The following SS18 variants were observed in gnomAD, a reference collection of about 807,000 sequenced individuals.
SS18 encodes the protein protein SSXT.
SS18 carries 28 observed loss-of-function variants against 72.5 expected under a neutral mutation model. That is an observed-to-expected ratio of 0.39 (90% confidence interval 0.29 to 0.53). SS18 has a LOEUF of 0.53. SS18 is among the 20% of genes least tolerant of loss of function. SS18 has a pLI of 0.76. For synonymous variants in SS18, 172 were observed against 164.2 expected, an observed-to-expected ratio of 1.05 and a Z score of -0.37; for missense variants, 518 against 535.3, an observed-to-expected ratio of 0.97 and a Z score of 0.32.
intron 10 of SS18, among the ~76,000 whole-genome samples, chr18:26,022,888 C>T (rs1021879713): frequency 6.6e-6 from 1 of 152,156 alleles, no homozygotes; most frequent in African/African-American, 2.4e-5. Context: ...TTATTCCCAC[C>T]AGTCAGAGTA....
intron 9 of SS18, among the ~76,000 whole-genome samples, chr18:26,034,140 A>G (rs568209184): frequency 3.2e-4 from 49 of 152,330 alleles, no homozygotes; most frequent in African/African-American, 1.2e-3. Context: ...AGGGGGCAAG[A>G]GAATTTCAGT....
rs193119940 is a variant in SS18 at position 26,023,255 on chromosome 18, T to A, written c.1231-4875A>T. Among the ~76,000 whole-genome samples the A allele has an allele frequency of 9.2e-5, 14 of 152,322 alleles. No homozygotes were observed. In the East Asian group the frequency reaches 2.7e-3, roughly 29 times the overall value. ...AGAAGAGGATATTAAAAGAATTATATTTGTATTCCATATGTTCAAAACAAT... is the reference window on the plus strand; with the variant it reads ...AGAAGAGGATATTAAAAGAATTATAATTGTATTCCATATGTTCAAAACAAT... On this transcript the variant is annotated intron_variant, in intron 10 of 10. Coordinates refer to ENST00000415083, the MANE Select transcript of SS18 (RefSeq NM_001007559.3).
At chr18:26,020,470 C>G (rs1268381247) in intron 10 of SS18, among the ~76,000 whole-genome samples, 1 of 152,056 alleles carries the variant, frequency 6.6e-6, no homozygotes, top group African/African-American at 2.4e-5. Context: ...GATGTGAAAG[C>G]AGAAGAGAGG....
Position 26,018,295 on chromosome 18 carries a change from G to T in SS18, c.*59C>A. The T allele has an allele frequency of 2.1e-6, 3 of 1,456,140 alleles. No homozygotes were observed. Among genetic ancestry groups the T allele is most frequent in the Non-Finnish European group, 2.9e-6 (3 of 1,038,808 alleles). The allele number at this position is 1,456,140 out of a possible 1,614,324, so 90.2% of individuals were successfully genotyped here. ...ATCTCTTCACAGGGAGGTGTCCACA[G>T]TGCTGAGGTGACAATATGGCTGCTA... On this transcript the variant is annotated 3_prime_UTR_variant, in exon 11 of 11. Coordinates refer to ENST00000415083, the MANE Select transcript of SS18 (RefSeq NM_001007559.3).
At chr18:26,033,337 A>T (rs2053574957) in intron 9 of SS18, among the ~76,000 whole-genome samples, 1 of 152,152 alleles carries the variant, frequency 6.6e-6, no homozygotes, top group South Asian at 2.1e-4. Context: ...AATATGATGA[A>T]ACCCCATCTC....
intron 10 of SS18, among the ~76,000 whole-genome samples, chr18:26,030,586 C>T (rs1243147969): frequency 6.6e-6 from 1 of 152,092 alleles, no homozygotes; most frequent in Non-Finnish European, 1.5e-5. Context: ...TAAACATTTG[C>T]TTAATGAATG....
At chr18:26,060,771 CAAAAAAAA>C (rs60999827) in intron 3 of SS18, among the ~76,000 whole-genome samples, 24 of 39,606 alleles carry the variant, frequency 6.1e-4, no homozygotes, top group Admixed American at 1.3e-3. Context: ...CTAAAAATAC[CAAAAAAAA>C]AAAAAAAAAA....
intron 5 of SS18, among the ~76,000 whole-genome samples, chr18:26,049,416 C>A (rs1007949747): frequency 6.6e-6 from 1 of 152,210 alleles, no homozygotes; most frequent in Non-Finnish European, 1.5e-5. Flanking sequence ...GAACACACTT[C>A]CTGCTTTTAT....
chr18:26,021,413 G>A (rs919660682), intron 10 of SS18, among the ~76,000 whole-genome samples: 11 of 152,182 alleles, frequency 7.2e-5, no homozygotes, highest in African/African-American at 2.4e-4. Flanking sequence ...AGTGAACAGA[G>A]CATGGGCTTT....
At chr18:26,046,191 C>CAAAAA (rs760639087) in intron 5 of SS18, among the ~76,000 whole-genome samples, 3 of 45,046 alleles carry the variant, frequency 6.7e-5, no homozygotes, top group South Asian at 1.6e-3. Flanking sequence ...GACTCCGTCT[C>CAAAAA]AAAAAAAAAA....
chr18:26,059,834 A>C (rs1175487947), intron 3 of SS18, among the ~76,000 whole-genome samples: 2 of 152,264 alleles, frequency 1.3e-5, no homozygotes, highest in South Asian at 4.1e-4. Context: ...TCTAAAAAAC[A>C]AAAATAAATG....
intron 5 of SS18, among the ~76,000 whole-genome samples, chr18:26,048,434 C>T (rs1012860178): frequency 6.6e-6 from 1 of 152,020 alleles, no homozygotes; most frequent in African/African-American, 2.4e-5. Flanking sequence ...TCTATATATA[C>T]GAATAGCGGA....
At chr18:26,072,302 G>A (rs188703133) in intron 3 of SS18, among the ~76,000 whole-genome samples, 13 of 150,828 alleles carry the variant, frequency 8.6e-5, no homozygotes, top group South Asian at 2.1e-4. Flanking sequence ...ATTATTGGCC[G>A]GGCACAGTGG....
At chr18:26,069,231 A>T (rs2054271138) in intron 3 of SS18, among the ~76,000 whole-genome samples, 2 of 152,150 alleles carry the variant, frequency 1.3e-5, no homozygotes, top group Non-Finnish European at 2.9e-5. Context: ...CATGTTGGAC[A>T]CCATGAACTG....
Position 26,052,711 on chromosome 18 carries a change from G to C in SS18, c.520C>G (p.Pro174Ala), listed in dbSNP as rs368400158. 4.3e-6 allele frequency: 7 copies of C among 1,613,956 alleles called. No individual in the cohort carries two copies. Among genetic ancestry groups the C allele is most frequent in the Non-Finnish European group, 5.9e-6 (7 of 1,179,952 alleles). ...CTCATTGTCATCTGATTCTGTACTG[G>C]CATGCTCTGTGATGATGGCACAGAA... ...NHSVPSSQSM[P>A]VQNQMTMSQG... is the part of the protein sequence containing the mutation. The change falls in exon 5 of 11, where the codon CCA (proline) becomes GCA (alanine). Residue 174 changes from proline to alanine, a missense_variant. By Grantham distance (27) the Pro-to-Ala change is conservative (BLOSUM62 -1). Transcript: ENST00000415083.
intron 2 of SS18, 102 bp downstream of exon 2, chr18:26,087,399 T>G: frequency 1.4e-6 from 1 of 697,202 alleles, no homozygotes. Flanking sequence ...ATAGGTGAAT[T>G]GTATGGTATG....
chr18:26,057,010 AG>A (rs1568013041), intron 4 of SS18, among the ~76,000 whole-genome samples: 3 of 152,236 alleles, frequency 2.0e-5, no homozygotes, highest in Admixed American at 2.0e-4. Flanking sequence ...AAATAATGTA[AG>A]GAAGTTTACA....
intron 10 of SS18, among the ~76,000 whole-genome samples, chr18:26,027,182 T>G (rs1219607800): frequency 6.6e-6 from 1 of 152,182 alleles, no homozygotes; most frequent in Admixed American, 6.5e-5. Flanking sequence ...ACTACCTGAT[T>G]ATAAAACTTA....
chr18:26,027,376 C>T (rs938088398), intron 10 of SS18, among the ~76,000 whole-genome samples: 12 of 151,846 alleles, frequency 7.9e-5, no homozygotes, highest in Non-Finnish European at 7.4e-5. Flanking sequence ...TGGCTGGGCA[C>T]GGTGGCTCAC....
Sources: allele counts gnomAD v4.1 joint callset (sites outside exome capture counted in the v4.1 genomes callset), GRCh38; gene constraint gnomAD v4.1.1; transcripts MANE v1.5; gene names NCBI Gene and HGNC (gene_info 2026-07-23, HGNC 2026-07-21).